The following SRRM4 variants were observed in gnomAD, a reference collection of about 807,000 sequenced individuals.
SRRM4 encodes the protein serine/arginine repetitive matrix protein 4.
A neutral mutation model predicts 68.9 loss-of-function variants in SRRM4; 33 were observed. That is an observed-to-expected ratio of 0.48 (90% CI 0.36 to 0.64). SRRM4 has a LOEUF of 0.64. Ranked by LOEUF, SRRM4 falls within the 30% of genes least tolerant of loss-of-function variation. SRRM4 has a pLI of 0.00. For synonymous variants in SRRM4, 318 were observed against 318.8 expected, an observed-to-expected ratio of 1.00 and a Z score of 0.03; for missense variants, 817 against 827.1, an observed-to-expected ratio of 0.99 and a Z score of 0.15.
chr12:119,005,434 AT>A (rs1379838720), intron 1 of SRRM4, among the ~76,000 whole-genome samples: 1 of 152,160 alleles, frequency 6.6e-6, no homozygotes, highest in African/African-American at 2.4e-5. Flanking sequence ...AGACATTCTT[AT>A]TTAATTAATC....
intron 9 of SRRM4, 112 bp from the exon 10 acceptor site, chr12:119,150,905 A>T: frequency 1.1e-6 from 1 of 940,336 alleles, no homozygotes; most frequent in East Asian, 2.6e-5. Flanking sequence ...GAAAAGGGGC[A>T]AAGAGGGTTC....
intron 1 of SRRM4, among the ~76,000 whole-genome samples, chr12:119,005,742 T>G (rs1274039252): frequency 2.0e-5 from 3 of 152,230 alleles, no homozygotes. Context: ...GATCAATACC[T>G]GTTTGCATTA....
chr12:119,067,513 C>T (rs1953853264), intron 1 of SRRM4, among the ~76,000 whole-genome samples: 1 of 152,050 alleles, frequency 6.6e-6, no homozygotes, highest in Non-Finnish European at 1.5e-5. Flanking sequence ...TCAAGACCAG[C>T]CTGGCCAACA....
intron 1 of SRRM4, among the ~76,000 whole-genome samples, chr12:119,060,838 C>T (rs1953807308): frequency 6.6e-6 from 1 of 152,170 alleles, no homozygotes; most frequent in Non-Finnish European, 1.5e-5. Flanking sequence ...TCTTATCAAA[C>T]ATCTTATCAA....
rs1215630082 is a variant in SRRM4 at position 119,122,292 on chromosome 12, C to CAGGAAGGCAGGAAGGAAGGA, written c.515+179_515+180insCAGGAAGGAAGGAAGGAAGG. On this transcript the variant is annotated intron_variant, in intron 6 of 12. Transcript: ENST00000267260. ...GCAGGAAGGCAGGAAGGCAGGAAGG[C>CAGGAAGGCAGGAAGGAAGGA]AGGAAGGAAGGAAGGAAGGAAGGAA... Among the ~76,000 whole-genome samples the CAGGAAGGCAGGAAGGAAGGA allele has an allele frequency of 1.3e-3, 89 of 69,670 alleles. 1 individual carries two copies. The highest frequency in any genetic ancestry group is 4.0e-3 in the African/African-American group (63 of 15,772). The allele number at this position is 69,670 out of a possible 152,430, so 45.7% of individuals were successfully genotyped here.
At position 118,982,005 on chromosome 12, in the gene SRRM4, G is replaced by T. The variant is rs1001461666; in HGVS notation, c.123G>T (p.Pro41=). The T allele has an allele frequency of 1.2e-6, 2 of 1,609,454 alleles. No homozygotes were observed. The highest frequency in any genetic ancestry group is 1.3e-5 in the African/African-American group (1 of 74,838). ...IIVASITARK[P]LPRTEPQNNP... ...TCGCCAGTATCACGGCCCGCAAGCC[G>T]CTGCCAAGGTAATGATCTCCTTCTT... The change falls in exon 1 of 13, where the codon CCG becomes CCT. Residue 41 remains proline (P), a synonymous_variant. Transcript: ENST00000267260.
At chr12:119,014,486 T>C (rs1953469308) in intron 1 of SRRM4, among the ~76,000 whole-genome samples, 2 of 152,148 alleles carry the variant, frequency 1.3e-5, no homozygotes, top group African/African-American at 2.4e-5. Context: ...CTGCTGGACC[T>C]GGGTTCAAAG....
chr12:119,136,847 G>A (rs1364570459), intron 8 of SRRM4, among the ~76,000 whole-genome samples: 1 of 152,012 alleles, frequency 6.6e-6, no homozygotes, highest in East Asian at 1.9e-4. Context: ...AAAATAATAA[G>A]GAGGCCAGAC....
At chr12:119,110,530 C>A (rs927661522) in intron 2 of SRRM4, among the ~76,000 whole-genome samples, 3 of 152,222 alleles carry the variant, frequency 2.0e-5, no homozygotes, top group Non-Finnish European at 2.9e-5. Flanking sequence ...CAATGGCGGA[C>A]GCCCCTGCCC....
At chr12:119,116,864 G>C in intron 3 of SRRM4, 73 bp from the exon 4 acceptor site, 1 of 1,285,938 alleles carries the variant, frequency 7.8e-7, no homozygotes, top group South Asian at 1.2e-5. Flanking sequence ...TAAGGACTGG[G>C]GAAGGTTCTT....
intron 7 of SRRM4, 150 bp downstream of exon 7, chr12:119,125,629 A>G (rs1954253706): frequency 7.4e-6 from 5 of 677,596 alleles, no homozygotes; most frequent in Non-Finnish European, 9.6e-6. Context: ...CTGTAGAGAA[A>G]GGGCTGGAGA....
chr12:119,069,218 G>A (rs540055796), intron 1 of SRRM4, among the ~76,000 whole-genome samples: 3 of 152,138 alleles, frequency 2.0e-5, no homozygotes, highest in South Asian at 2.1e-4. Context: ...GCATGTTACC[G>A]GGGGTTCCTG....
intron 9 of SRRM4, among the ~76,000 whole-genome samples, chr12:119,145,955 A>G (rs1160813121): frequency 6.6e-6 from 1 of 152,186 alleles, no homozygotes; most frequent in African/African-American, 2.4e-5. Context: ...CTTATTCTCA[A>G]GCAGATCCTC....
At chr12:119,065,323 C>G (rs1181940919) in intron 1 of SRRM4, among the ~76,000 whole-genome samples, 3 of 152,166 alleles carry the variant, frequency 2.0e-5, no homozygotes, top group Non-Finnish European at 4.4e-5. Flanking sequence ...GAGTCAGATC[C>G]CCTGACTGAA....
At chr12:119,061,596 A>G (rs1366204253) in intron 1 of SRRM4, among the ~76,000 whole-genome samples, 1 of 152,204 alleles carries the variant, frequency 6.6e-6, no homozygotes, top group African/African-American at 2.4e-5. Flanking sequence ...AATGTGGTCA[A>G]TCTTGAAACA....
At chr12:119,006,398 A>C (rs1953416529) in intron 1 of SRRM4, among the ~76,000 whole-genome samples, 1 of 152,134 alleles carries the variant, frequency 6.6e-6, no homozygotes, top group Non-Finnish European at 1.5e-5. Flanking sequence ...CCATAGAAAA[A>C]TTGAAAAGTC....
chr12:119,068,151 T>A (rs1008023065), intron 1 of SRRM4, among the ~76,000 whole-genome samples: 2 of 152,226 alleles, frequency 1.3e-5, no homozygotes, highest in African/African-American at 4.8e-5. Flanking sequence ...TCGTCTTGGC[T>A]TTGTGAGCTT....
chr12:119,040,761 T>C (rs1565895483), intron 1 of SRRM4, among the ~76,000 whole-genome samples: 1 of 152,152 alleles, frequency 6.6e-6, no homozygotes, highest in Non-Finnish European at 1.5e-5. Flanking sequence ...ATTTTTATTT[T>C]GGAGGGATGG....
In SRRM4 at chr12:119,082,588, T is replaced by C. The variant is rs1401522515; in HGVS notation, c.132-19648T>C. 3.8e-4 allele frequency among the ~76,000 whole-genome samples: 58 copies of C among 152,220 alleles called. 2 individuals carry two copies. Reference sequence around the variant, plus strand: ...GAGCCAAGCCATCCTAGCTGGTGATTCAGCCCCGCGGGCGCTGTGATGAGA... The same window carrying C: ...GAGCCAAGCCATCCTAGCTGGTGATCCAGCCCCGCGGGCGCTGTGATGAGA... On this transcript the variant is annotated intron_variant, in intron 1 of 12. Transcript: ENST00000267260.
Sources: allele counts gnomAD v4.1 joint callset (sites outside exome capture counted in the v4.1 genomes callset), GRCh38; gene constraint gnomAD v4.1.1; transcripts MANE v1.5; gene names NCBI Gene and HGNC (gene_info 2026-07-23, HGNC 2026-07-21).